EFHD1: variants seen among roughly 807,000 people sequenced by gnomAD.
EFHD1 encodes EF-hand domain family member D1.
A neutral mutation model predicts 17.2 loss-of-function variants in EFHD1; 10 were observed. That is an observed-to-expected ratio of 0.58 (90% CI 0.36 to 0.99). The LOEUF is 0.99. Among genes scored for constraint, EFHD1 ranks in the 50% least tolerant of loss-of-function variants. The pLI, the probability that EFHD1 is intolerant of heterozygous loss-of-function variation, is 0.01. For missense variants in EFHD1, 310 were observed against 327.5 expected, an observed-to-expected ratio of 0.95 and a Z score of 0.41; for synonymous variants, 153 against 142.0, an observed-to-expected ratio of 1.08 and a Z score of -0.55.
At chr2:232,632,826 A>G (rs1218989063), upstream of EFHD1, among the ~76,000 whole-genome samples, 1 of 152,106 alleles carries the variant, frequency 6.6e-6, no homozygotes, top group East Asian at 1.9e-4. Context: ...CAGTCTAACT[A>G]TGTTGCCCAG....
chr2:232,673,429 T>C (rs966311105), intron 3 of EFHD1, among the ~76,000 whole-genome samples: 7 of 152,166 alleles, frequency 4.6e-5, no homozygotes, highest in Non-Finnish European at 1.0e-4. Flanking sequence ...CTTATCTGGG[T>C]ATTCAAGACC....
At chr2:232,670,931 C>A (rs1413206937) in intron 2 of EFHD1, among the ~76,000 whole-genome samples, 5 of 152,098 alleles carry the variant, frequency 3.3e-5, no homozygotes, top group African/African-American at 1.2e-4. Flanking sequence ...TGTTAAAAAA[C>A]CATTGGAAAT....
chr2:232,642,494 A>G (rs1694451534), intron 1 of EFHD1, among the ~76,000 whole-genome samples: 1 of 152,060 alleles, frequency 6.6e-6, no homozygotes, highest in African/African-American at 2.4e-5. Context: ...ACTCTCGCCA[A>G]TAGTGTGTGG....
chr2:232,652,434 C>T (rs1228223953), intron 1 of EFHD1, among the ~76,000 whole-genome samples: 1 of 152,078 alleles, frequency 6.6e-6, no homozygotes. Flanking sequence ...TACTCGAAAG[C>T]TTAGCGTCTG....
chr2:232,646,064 T>C (rs1240196238), intron 1 of EFHD1, among the ~76,000 whole-genome samples: 1 of 152,192 alleles, frequency 6.6e-6, no homozygotes, highest in Non-Finnish European at 1.5e-5. Flanking sequence ...GAGCCTGTAG[T>C]AGCTGCCTCA....
intron 2 of EFHD1, among the ~76,000 whole-genome samples, chr2:232,670,132 G>A (rs1420782874): frequency 1.3e-5 from 2 of 152,160 alleles, no homozygotes; most frequent in East Asian, 3.8e-4. Flanking sequence ...CTTGGGAGAG[G>A]ACAGGAAGAT....
Position 232,681,573 on chromosome 2 carries a change from A to G in EFHD1, c.586-12A>G, listed in dbSNP as rs768645362. ...CTTACTCGTTTGGTCTATGTCTGCT[A>G]TTTCTCTGCAGGTCCAAGCCTTGTC... On this transcript the variant is annotated splice_polypyrimidine_tract_variant and intron_variant, in intron 3 of 3. Coordinates refer to ENST00000264059, the MANE Select transcript of EFHD1 (RefSeq NM_025202.4). The G allele has an allele frequency of 5.6e-6, 9 of 1,613,342 alleles. No homozygotes were observed. The highest frequency in any genetic ancestry group is 2.7e-5 in the African/African-American group (2 of 74,908).
intron 1 of EFHD1, among the ~76,000 whole-genome samples, chr2:232,652,730 G>A (rs1441524884): frequency 1.3e-5 from 2 of 152,130 alleles, no homozygotes; most frequent in Admixed American, 6.6e-5. Flanking sequence ...GAACCCTGCT[G>A]TGTGCAGTTC....
In EFHD1 at chr2:232,681,697, T is replaced by G. The variant is rs563711020; in HGVS notation, c.698T>G (p.Leu233Arg). 1 of 1,614,140 alleles carries G rather than the reference T, an allele frequency of 6.2e-7. No homozygotes were observed. The highest frequency in any genetic ancestry group is 8.5e-7 in the Non-Finnish European group (1 of 1,179,998). Residue 233 changes from leucine (L) to arginine (R), a missense_variant, in exon 4 of 4, where the codon CTC becomes CGC. Physicochemically the swap from Leu to Arg is moderately radical, Grantham distance 102 (BLOSUM62 -2). Transcript: ENST00000264059. ...RRLRQAAFQKLKANFNT is the reference protein window; with the variant it reads ...RRLRQAAFQKRKANFNT Reference sequence around the variant, plus strand: ...CTCCGCCAGGCAGCCTTCCAGAAACTCAAGGCCAACTTCAATACATAGTCC... The same window carrying G: ...CTCCGCCAGGCAGCCTTCCAGAAACGCAAGGCCAACTTCAATACATAGTCC...
At chr2:232,660,342 CT>C (rs919067403) in intron 1 of EFHD1, among the ~76,000 whole-genome samples, 1 of 151,836 alleles carries the variant, frequency 6.6e-6, no homozygotes, top group African/African-American at 2.4e-5. Flanking sequence ...CTACAGGTGC[CT>C]GCCACCACGC....
chr2:232,638,411 G>A (rs761470682), intron 1 of EFHD1: 32 of 471,186 alleles, frequency 6.8e-5, no homozygotes, highest in South Asian at 4.8e-4. Context: ...TTAAGAATCT[G>A]AAACGGTGAT....
intron 3 of EFHD1, among the ~76,000 whole-genome samples, chr2:232,681,001 C>T (rs1369703860): frequency 6.7e-6 from 1 of 149,864 alleles, no homozygotes; most frequent in African/African-American, 2.5e-5. Flanking sequence ...TGTAAAAATA[C>T]AAAAATTAAC....
chr2:232,629,780 A>G (rs1694171611), upstream of EFHD1, among the ~76,000 whole-genome samples: 1 of 152,010 alleles, frequency 6.6e-6, no homozygotes, highest in Middle Eastern at 3.4e-3. Flanking sequence ...AAAAAAAATG[A>G]GAATTTAAAA....
chr2:232,673,150 T>A (rs1054954964), intron 3 of EFHD1, among the ~76,000 whole-genome samples: 8 of 152,210 alleles, frequency 5.3e-5, no homozygotes, highest in African/African-American at 1.9e-4. Context: ...GAAGTGGTCA[T>A]AACTGTTGCC....
intron 2 of EFHD1, among the ~76,000 whole-genome samples, chr2:232,668,776 G>C (rs1233525850): frequency 6.6e-6 from 1 of 152,092 alleles, no homozygotes; most frequent in African/African-American, 2.4e-5. Flanking sequence ...TGGGATTACA[G>C]TTGTGTACCA....
chr2:232,647,643 C>CCCTTTTTTTTT (rs1694557453), intron 1 of EFHD1, among the ~76,000 whole-genome samples: 1 of 141,554 alleles, frequency 7.1e-6, no homozygotes. Context: ...CCTGTTAGAA[C>CCCTTTTTTTTT]TTTTTTTTTT....
At chr2:232,676,423 G>C (rs143694732) in intron 3 of EFHD1, among the ~76,000 whole-genome samples, 2 of 152,148 alleles carry the variant, frequency 1.3e-5, no homozygotes, top group Non-Finnish European at 2.9e-5. Flanking sequence ...CTGTCTGCCC[G>C]GCTGTAATTA....
chr2:232,611,726 G>C (rs1485585548), intron 1 of EFHD1: 1 of 152,380 alleles, frequency 6.6e-6, no homozygotes, highest in Non-Finnish European at 1.5e-5. Flanking sequence ...GAGAGGGCAA[G>C]TGAGAGGCCC....
intron 2 of EFHD1, among the ~76,000 whole-genome samples, chr2:232,665,307 G>C (rs1207416039): frequency 2.0e-5 from 3 of 152,190 alleles, no homozygotes; most frequent in African/African-American, 7.2e-5. Flanking sequence ...AAGACTATCA[G>C]GTGTCTTCCA....
Sources: gnomAD v4.1 joint callset for allele counts (sites outside exome capture counted in the v4.1 genomes callset) on GRCh38, gnomAD v4.1.1 for gene constraint, MANE v1.5 for transcripts, NCBI Gene and HGNC (gene_info 2026-07-23, HGNC 2026-07-21) for gene names.